The following FAM20C variants were observed in gnomAD, a reference collection of about 807,000 sequenced individuals.
The protein encoded by FAM20C is extracellular serine/threonine protein kinase FAM20C.
In FAM20C, 40 loss-of-function variants were observed where a neutral mutation model predicts 51.5. The observed-to-expected ratio is 0.78, with a 90% confidence interval of 0.60 to 1.01. The LOEUF (loss-of-function observed/expected upper bound fraction) is 1.01. Among genes scored for constraint, FAM20C ranks in the 50% least tolerant of loss-of-function variants. The pLI is 0.00. For missense variants in FAM20C, 861 were observed against 844.7 expected (o/e 1.02, Z -0.24); for synonymous variants, 406 against 380.6 (o/e 1.07, Z -0.78).
rs1048532805 is a variant in FAM20C at position 234,838 on chromosome 7, T to C, written c.864-11577T>C. On this transcript the variant is annotated intron_variant, in intron 3 of 9. Coordinates refer to ENST00000313766, the MANE Select transcript of FAM20C (RefSeq NM_020223.4). ...GGCCAGCGAGCTCCCATCCCTGCCG[T>C]TTCTCCGAGATGAGTCCCGAGAAGC... Among the ~76,000 whole-genome samples the C allele has an allele frequency of 9.0e-4, 137 of 152,214 alleles. 1 individual carries two copies. In the South Asian group the frequency reaches 0.017, roughly 19 times the overall value.
intron 2 of FAM20C, among the ~76,000 whole-genome samples, chr7:199,503 T>C (rs6959125): frequency 0.029 from 4,469 of 152,338 alleles, 222 homozygotes; most frequent in African/African-American, 0.1. Context: ...CACTTTAATC[T>C]CAAGTCATTC....
chr7:234,633 G>A (rs1408257501), intron 3 of FAM20C, among the ~76,000 whole-genome samples: 1 of 152,182 alleles, frequency 6.6e-6, no homozygotes, highest in African/African-American at 2.4e-5. Context: ...GGCATCCCCG[G>A]GCCCTGTGTC....
chr7:253,211 G>A (rs539709031), intron 5 of FAM20C, among the ~76,000 whole-genome samples: 16 of 152,322 alleles, frequency 1.1e-4, no homozygotes, highest in South Asian at 2.1e-4. Context: ...AGTGTCCGCC[G>A]GGCCCGCAGC....
At chr7:228,896 C>T (rs771112038) in intron 3 of FAM20C, 74 of 435,392 alleles carry the variant, frequency 1.7e-4, no homozygotes, top group African/African-American at 1.2e-3. Flanking sequence ...GATTCCTCCT[C>T]CTCAAACTCA....
intron 5 of FAM20C, among the ~76,000 whole-genome samples, chr7:252,491 C>T (rs1401440506): frequency 2.0e-5 from 3 of 148,112 alleles, no homozygotes; most frequent in African/African-American, 4.9e-5. Context: ...GCCTCCCAAC[C>T]ACGGATGCCA....
chr7:242,759 C>T (rs1452074549), intron 3 of FAM20C, among the ~76,000 whole-genome samples: 1 of 152,138 alleles, frequency 6.6e-6, no homozygotes, highest in Admixed American at 6.5e-5. Context: ...CACTGGCTGC[C>T]GAGTTGGACA....
chr7:201,458 A>G (rs1304233791), intron 2 of FAM20C, among the ~76,000 whole-genome samples: 1 of 151,522 alleles, frequency 6.6e-6, no homozygotes, highest in Non-Finnish European at 1.5e-5. Flanking sequence ...GGCTGCACCC[A>G]GTCTCCATCC....
Position 208,958 on chromosome 7 carries a change from C to T in FAM20C, c.845C>T (p.Ala282Val), listed in dbSNP as rs1035232018. The part of the protein sequence containing the change: ...LIMTFQNYGQ[A>V]LFKPMKQTRE... The stretch of plus-strand genomic sequence containing the variant: ...ATGACCTTCCAGAATTACGGGCAAG[C>T]GCTGTTCAAACCCATGAAGTAAGTG... The change falls in exon 3 of 10, where the codon GCG (alanine) becomes GTG (valine). Residue 282 changes from alanine to valine, a missense_variant. Physicochemically the swap from Ala to Val is moderately conservative, Grantham distance 64. Transcript: ENST00000313766. 5.7e-6 allele frequency: 9 copies of T among 1,584,574 alleles called. No homozygotes were observed. The highest frequency in any genetic ancestry group is 2.3e-5 in the South Asian group (2 of 86,400).
chr7:228,480 C>T (rs957696559), intron 3 of FAM20C: 2 of 456,144 alleles, frequency 4.4e-6, no homozygotes, highest in East Asian at 1.4e-4. Context: ...GGTCAACAAG[C>T]CAGGTCCGTG....
chr7:201,089 TC>T (rs1161986447), intron 2 of FAM20C, among the ~76,000 whole-genome samples: 1 of 152,216 alleles, frequency 6.6e-6, no homozygotes, highest in East Asian at 1.9e-4. Flanking sequence ...ACCTGAGCTC[TC>T]CCGGTGTCAC....
At chr7:230,982 G>A (rs1787649297) in intron 3 of FAM20C, among the ~76,000 whole-genome samples, 1 of 152,184 alleles carries the variant, frequency 6.6e-6, no homozygotes, top group Non-Finnish European at 1.5e-5. Flanking sequence ...GGAGGCTGAG[G>A]TGGGAGTTTC....
At position 249,601 on chromosome 7, in the gene FAM20C, G is replaced by T. The variant is rs572272535; in HGVS notation, c.1072+1171G>T. On this transcript the variant is annotated intron_variant, in intron 5 of 9. Transcript: ENST00000313766. ...CAGGAAATTAAAAAATTAGCCAGCC[G>T]TGGTGGCGCTTATCTGTGGTCCCAG... Among the ~76,000 whole-genome samples the T allele has an allele frequency of 5.4e-3, 824 of 152,286 alleles. 1 individual carries two copies. The highest frequency in any genetic ancestry group is 9.4e-3 in the Non-Finnish European group (640 of 68,022).
intron 5 of FAM20C, among the ~76,000 whole-genome samples, chr7:248,857 A>G (rs1347354817): frequency 3.3e-5 from 5 of 151,948 alleles, no homozygotes. Flanking sequence ...GCCCGCATTC[A>G]TCTCTCCAGG....
At chr7:237,085 G>C (rs1488015088) in intron 3 of FAM20C, among the ~76,000 whole-genome samples, 1 of 152,258 alleles carries the variant, frequency 6.6e-6, no homozygotes, top group Non-Finnish European at 1.5e-5. Context: ...TGTCAAAGCT[G>C]TGAGGATCCC....
At chr7:235,302 G>C (rs1321863085) in intron 3 of FAM20C, among the ~76,000 whole-genome samples, 1 of 152,038 alleles carries the variant, frequency 6.6e-6, no homozygotes, top group Non-Finnish European at 1.5e-5. Context: ...GGTATCCGGC[G>C]CCTTCTGAAA....
intron 3 of FAM20C, among the ~76,000 whole-genome samples, chr7:211,823 C>T (rs1189416038): frequency 2.0e-5 from 3 of 152,236 alleles, no homozygotes; most frequent in Admixed American, 6.5e-5. Flanking sequence ...TGGTCCGGGA[C>T]TCCGTCTTCC....
At chr7:242,008 C>G (rs1299233198) in intron 3 of FAM20C, among the ~76,000 whole-genome samples, 1 of 152,226 alleles carries the variant, frequency 6.6e-6, no homozygotes, top group East Asian at 1.9e-4. Flanking sequence ...CAGCCCCATG[C>G]CAACGCTCAG....
intron 5 of FAM20C, 58 bp downstream of exon 5, chr7:248,488 C>A (rs1457068958): frequency 7.5e-7 from 1 of 1,340,594 alleles, no homozygotes; most frequent in Non-Finnish European, 1.0e-6. Flanking sequence ...CGGGGGCCCG[C>A]ATTCATCTCT....
intron 3 of FAM20C, among the ~76,000 whole-genome samples, chr7:245,275 G>A (rs529764028): frequency 1.3e-5 from 2 of 149,338 alleles, no homozygotes; most frequent in Non-Finnish European, 1.5e-5. Context: ...GCTGCAGGGC[G>A]TGCGAGCTGG....
Sources: gnomAD v4.1 joint callset for allele counts (sites outside exome capture counted in the v4.1 genomes callset) on GRCh38, gnomAD v4.1.1 for gene constraint, MANE v1.5 for transcripts, NCBI Gene and HGNC (gene_info 2026-07-23, HGNC 2026-07-21) for gene names.